Variants in PHLPP1 observed in about 807,000 individuals in gnomAD.
PHLPP1 encodes the protein PH domain leucine-rich repeat-containing protein phosphatase 1.
In PHLPP1, 42 loss-of-function variants were observed where a neutral mutation model predicts 117.2. That is an observed-to-expected ratio of 0.36 (90% confidence interval 0.28 to 0.46). PHLPP1 has a LOEUF of 0.46. Among genes scored for constraint, PHLPP1 ranks in the 20% least tolerant of loss-of-function variants. The pLI, the probability that PHLPP1 is intolerant of heterozygous loss-of-function variation, is 1.00. For synonymous variants in PHLPP1, 1,042 were observed against 970.7 expected (o/e 1.07, Z -1.37); for missense variants, 2,084 against 2,241.9 (o/e 0.93, Z 1.42).
intron 4 of PHLPP1, among the ~76,000 whole-genome samples, chr18:62,890,189 A>G (rs1408813641): frequency 6.6e-6 from 1 of 152,116 alleles, no homozygotes; most frequent in African/African-American, 2.4e-5. Flanking sequence ...CAATGTTCGT[A>G]TATACATAAA....
intron 3 of PHLPP1, among the ~76,000 whole-genome samples, chr18:62,858,262 CT>C (rs34800076): frequency 0.4 from 51,401 of 128,082 alleles, 9,097 homozygotes; most frequent in Middle Eastern, 0.48. Context: ...TCAGCAGAAC[CT>C]TTTTTTTTTT....
chr18:62,894,941 G>A, intron 4 of PHLPP1, 70 bp from the exon 5 acceptor site: 1 of 1,317,070 alleles, frequency 7.6e-7, no homozygotes, highest in Non-Finnish European at 1.1e-6. Context: ...TATCTCTTAG[G>A]CTATGCTAAA....
At chr18:62,852,240 G>C (rs76310307) in intron 3 of PHLPP1, among the ~76,000 whole-genome samples, 2,651 of 152,210 alleles carry the variant, frequency 0.017, 83 homozygotes, top group African/African-American at 0.06. Flanking sequence ...AAAAGAAATG[G>C]TGAGATTCTG....
chr18:62,795,857 GT>G (rs576243400), intron 1 of PHLPP1, among the ~76,000 whole-genome samples: 134 of 152,254 alleles, frequency 8.8e-4, no homozygotes, highest in African/African-American at 3.1e-3. Context: ...TGCTGTGCAA[GT>G]TTCTTGCTAG....
chr18:62,882,112 A>G (rs751861887), intron 4 of PHLPP1, among the ~76,000 whole-genome samples: 4 of 152,164 alleles, frequency 2.6e-5, no homozygotes, highest in Non-Finnish European at 5.9e-5. Context: ...AGGTTGCCCT[A>G]TATCATAGTT....
chr18:62,754,621 G>T (rs558343574), intron 1 of PHLPP1, among the ~76,000 whole-genome samples: 1 of 152,178 alleles, frequency 6.6e-6, no homozygotes, highest in Admixed American at 6.5e-5. Flanking sequence ...TCAAAAGTAG[G>T]CCTCTCCAGA....
chr18:62,722,097 T>C (rs1910938169), intron 1 of PHLPP1, among the ~76,000 whole-genome samples: 2 of 152,212 alleles, frequency 1.3e-5, no homozygotes, highest in African/African-American at 4.8e-5. Context: ...CACAGCGGCA[T>C]TTCTCCCATG....
intron 16 of PHLPP1, among the ~76,000 whole-genome samples, chr18:62,976,509 A>G (rs1046581528): frequency 6.6e-6 from 1 of 152,240 alleles, no homozygotes; most frequent in Non-Finnish European, 1.5e-5. Flanking sequence ...GAAATCATTT[A>G]CCTTCAATTG....
intron 1 of PHLPP1, among the ~76,000 whole-genome samples, chr18:62,805,787 G>A (rs968408390): frequency 1.3e-5 from 2 of 151,874 alleles, no homozygotes; most frequent in African/African-American, 4.8e-5. Flanking sequence ...CTATGTTAAG[G>A]TCATGAAGAT....
intron 1 of PHLPP1, among the ~76,000 whole-genome samples, chr18:62,779,103 C>G (rs1443401427): frequency 2.0e-5 from 3 of 152,134 alleles, no homozygotes; most frequent in African/African-American, 7.2e-5. Flanking sequence ...TCTGAATGCC[C>G]TCCTAGGCCT....
chr18:62,933,933 C>T (rs1249547697), intron 10 of PHLPP1, among the ~76,000 whole-genome samples: 2 of 152,064 alleles, frequency 1.3e-5, no homozygotes, highest in Non-Finnish European at 2.9e-5. Flanking sequence ...TGAATAGACA[C>T]TTCTCAAAAG....
intron 6 of PHLPP1, 110 bp downstream of exon 6, chr18:62,896,121 G>A (rs770956354): frequency 3.1e-6 from 2 of 650,894 alleles, no homozygotes; most frequent in East Asian, 2.7e-5. Context: ...ATGTGGGCCC[G>A]TTTTTCTATT....
chr18:62,740,501 T>G (rs1165408366), intron 1 of PHLPP1, among the ~76,000 whole-genome samples: 2 of 152,182 alleles, frequency 1.3e-5, no homozygotes, highest in African/African-American at 4.8e-5. Context: ...CCAGATGGTA[T>G]AGAGGACAAT....
At chr18:62,798,178 G>A (rs1181211623) in intron 1 of PHLPP1, among the ~76,000 whole-genome samples, 2 of 152,120 alleles carry the variant, frequency 1.3e-5, no homozygotes, top group South Asian at 2.1e-4. Flanking sequence ...TCGGAGTAAG[G>A]CCCACAAATT....
Position 62,716,650 on chromosome 18 carries a change from TC to T in PHLPP1, c.969del (p.Ser324AlafsTer29). ...CCGCGCCAGCCCAGCGCCCTCGGAC[TC>T]CAGCCCCGGCGAGCCGTTCGTTGGG... is the stretch of plus-strand genomic sequence containing the variant. ...SRRASPAPSD[S>X]SPGEPFVGGP... On this transcript the variant is annotated frameshift_variant, in exon 1 of 17. Transcript: ENST00000262719. LOFTEE classifies it high-confidence loss of function. The surrounding 1 kb of genome is among the most constrained non-coding windows in gnomAD (Gnocchi z 5.7). 1 of 1,426,696 alleles carries T rather than the reference TC, an allele frequency of 7.0e-7. No individual in the cohort carries two copies. Among genetic ancestry groups the T allele is most frequent in the South Asian group, 1.4e-5 (1 of 70,206 alleles). 88.4% of individuals were successfully genotyped at this position (1,426,696 alleles called of 1,614,324 possible). A position where few individuals can be genotyped will look rare whatever the true frequency, so the allele number is the denominator to read the frequency against.
chr18:62,961,737 T>G (rs1910775605), intron 13 of PHLPP1, among the ~76,000 whole-genome samples: 1 of 152,202 alleles, frequency 6.6e-6, no homozygotes, highest in Non-Finnish European at 1.5e-5. Flanking sequence ...GAAAAAAAGA[T>G]TTAGCTCCAG....
intron 1 of PHLPP1, among the ~76,000 whole-genome samples, chr18:62,806,114 A>G (rs987438621): frequency 2.6e-5 from 4 of 151,976 alleles, no homozygotes; most frequent in Non-Finnish European, 5.9e-5. Flanking sequence ...AAACTGAAGA[A>G]TTTTATATCA....
chr18:62,880,533 ATTTT>A (rs1916150796), intron 4 of PHLPP1, among the ~76,000 whole-genome samples: 6 of 151,696 alleles, frequency 4.0e-5, no homozygotes, highest in Admixed American at 3.9e-4. Context: ...TTATTGTAAT[ATTTT>A]TATTTGTCCT....
At chr18:62,876,776 G>T (rs1233296358) in intron 4 of PHLPP1, among the ~76,000 whole-genome samples, 1 of 152,232 alleles carries the variant, frequency 6.6e-6, no homozygotes, top group Non-Finnish European at 1.5e-5. Context: ...ACTCAGGCTT[G>T]TGTGATTGTG....
Sources: gnomAD v4.1 joint callset for allele counts (sites outside exome capture counted in the v4.1 genomes callset) on GRCh38, gnomAD v4.1.1 for gene constraint, Gnocchi (gnomAD v3.1) non-coding constraint, MANE v1.5 for transcripts, NCBI Gene and HGNC (gene_info 2026-07-23, HGNC 2026-07-21) for gene names.